The following VSIG1 variants were observed in gnomAD, a reference collection of about 807,000 sequenced individuals.
The protein encoded by VSIG1 is V-set and immunoglobulin domain containing 1.
Under a neutral mutation model 20.1 loss-of-function variants are expected in VSIG1, and 11 were observed. The ratio of observed to expected loss-of-function variants is 0.55; its 90% CI spans 0.34 to 0.91. The LOEUF (loss-of-function observed/expected upper bound fraction) is 0.91, where lower values mean the gene tolerates loss of function less well. Ranked by LOEUF, VSIG1 falls within the 40% of genes least tolerant of loss-of-function variation. The pLI, the probability that VSIG1 is intolerant of heterozygous loss-of-function variation, is 0.02. For missense variants in VSIG1, 283 were observed against 298.8 expected (o/e 0.95, Z 0.39); for synonymous variants, 126 against 116.7 (o/e 1.08, Z -0.52).
chrX:108,069,239 C>T (rs761446720), intron 3 of VSIG1, among the ~76,000 whole-genome samples: 1 of 111,553 alleles, frequency 9.0e-6, no homozygotes, highest in East Asian at 2.8e-4. Flanking sequence ...TGTTTTTTCC[C>T]ATGAGTCTTT....
At chrX:108,058,802 T>A (rs2030962911) in intron 2 of VSIG1, among the ~76,000 whole-genome samples, 1 of 111,160 alleles carries the variant, frequency 9.0e-6, no homozygotes, top group Non-Finnish European at 1.9e-5. Flanking sequence ...CAGAAAAGGA[T>A]GGGTTGAAAG....
chrX:108,036,323 G>C, the VSIG1 span, among the ~76,000 whole-genome samples: 47 of 109,689 alleles, frequency 4.3e-4, no homozygotes, highest in Non-Finnish European at 8.3e-4. Flanking sequence ...GAAAGAATTG[G>C]AGGGTCTAGG....
At chrX:108,049,048 G>T in intron 1 of VSIG1, among the ~76,000 whole-genome samples, 1 of 112,226 alleles carries the variant, frequency 8.9e-6, no homozygotes, top group East Asian at 2.8e-4. Context: ...CTTTTCTTCA[G>T]AATTTAATTG....
chrX:108,028,402 T>G, the VSIG1 span, among the ~76,000 whole-genome samples: 1 of 112,139 alleles, frequency 8.9e-6, no homozygotes, highest in African/African-American at 3.2e-5. Flanking sequence ...AAACAAAGTT[T>G]CTGATATAGA....
rs1341901777 is a variant in VSIG1, at chrX:108,058,181, A to G, written c.193A>G (p.Lys65Glu). Residue 65 changes from lysine (K) to glutamate (E), a missense_variant, in exon 2 of 7, where the codon AAG becomes GAG. Transcript: ENST00000217957. Reference protein sequence around the residue: ...LSIQWSFFHKKEMEPISIYFS... With the variant: ...LSIQWSFFHKEEMEPISIYFS... ...CATCCAGTGGTCTTTCTTCCATAAG[A>G]AGGAGATGGAGCCAATTTCTGTAAG... 3.3e-6 allele frequency: 4 copies of G among 1,206,429 alleles called. No homozygotes were observed. The African/African-American group carries it at 7.0e-5, about 21-fold the overall frequency.
chrX:108,072,581 C>A, intron 3 of VSIG1, 96 bp from the exon 4 acceptor site: 1 of 888,095 alleles, frequency 1.1e-6, no homozygotes, highest in Non-Finnish European at 1.6e-6. Flanking sequence ...TAAATAAACA[C>A]ACATATTATT....
the VSIG1 span, among the ~76,000 whole-genome samples, chrX:108,038,883 A>T: frequency 9.0e-6 from 1 of 111,700 alleles, no homozygotes; most frequent in Non-Finnish European, 1.9e-5. Context: ...TTAACCCAAT[A>T]TATTCCAAAT....
At chrX:108,045,394 T>G (rs1030080651) in intron 1 of VSIG1, among the ~76,000 whole-genome samples, 3 of 112,609 alleles carry the variant, frequency 2.7e-5, no homozygotes, top group African/African-American at 6.5e-5. Flanking sequence ...TTTATGGAGC[T>G]TCTGAATGAA....
intron 1 of VSIG1, 68 bp downstream of exon 1, chrX:108,045,247 AC>A: frequency 1.1e-6 from 1 of 921,622 alleles, no homozygotes; most frequent in Non-Finnish European, 1.5e-6. Flanking sequence ...TAAAAATTCC[AC>A]ATTTTTACAT....
intron 2 of VSIG1, among the ~76,000 whole-genome samples, chrX:108,061,702 C>A (rs990333162): frequency 9.1e-6 from 1 of 110,488 alleles, no homozygotes; most frequent in Admixed American, 9.6e-5. Flanking sequence ...CTTCTCACAT[C>A]CATGTCTGGA....
chrX:108,076,254 A>G (rs1410289632), intron 6 of VSIG1, 36 bp downstream of exon 6: 1 of 1,187,629 alleles, frequency 8.4e-7, no homozygotes, highest in Non-Finnish European at 1.1e-6. Flanking sequence ...CTTGAATACA[A>G]ACATTTCTCA....
In VSIG1 at chrX:108,073,388, T is replaced by C. The variant is rs774862289; in HGVS notation, c.688+19T>C. ...TCTTCACGTGAGTTGACCATACAAC[T>C]TTAACGGTTTCTCCTTAAATCAAGT... is the stretch of plus-strand genomic sequence containing the variant. On this transcript the variant is annotated intron_variant, in intron 5 of 6. Transcript: ENST00000217957. 1.1e-4 allele frequency: 131 copies of C among 1,205,308 alleles called. No individual in the cohort carries two copies. In the Middle Eastern group the frequency reaches 2.8e-3, roughly 26 times the overall value.
intron 5 of VSIG1, 113 bp downstream of exon 5, chrX:108,073,482 T>C (rs1416471505): frequency 1.9e-5 from 17 of 913,198 alleles, no homozygotes; most frequent in Non-Finnish European, 2.4e-5. Context: ...CTCTGGAGAT[T>C]TGTGTGCTTT....
intron 3 of VSIG1, among the ~76,000 whole-genome samples, chrX:108,068,376 A>G (rs901539893): frequency 8.9e-6 from 1 of 112,148 alleles, no homozygotes; most frequent in African/African-American, 3.2e-5. Flanking sequence ...AGACTAGTGT[A>G]TTAGTCTATT....
intron 2 of VSIG1, chrX:108,064,645 G>A (rs2031092758): frequency 3.9e-6 from 2 of 507,762 alleles, no homozygotes; most frequent in Non-Finnish European, 4.8e-6. Flanking sequence ...GACTGATGTT[G>A]TATCTCATTG....
chrX:108,062,542 C>A (rs1160062774), intron 2 of VSIG1, among the ~76,000 whole-genome samples: 1 of 112,223 alleles, frequency 8.9e-6, no homozygotes, highest in Non-Finnish European at 1.9e-5. Context: ...TTATTTTATT[C>A]TCTTCTAAAG....
the VSIG1 span, among the ~76,000 whole-genome samples, chrX:108,027,994 G>A: frequency 2.7e-5 from 3 of 111,305 alleles, no homozygotes; most frequent in African/African-American, 9.8e-5. Flanking sequence ...CAAAAAAAAA[G>A]ATAGTATAAT....
Position 108,045,120 on chromosome X carries a change from A to C in VSIG1, c.-11A>C. 8.5e-7 allele frequency: 1 copy of C among 1,175,211 alleles called. No homozygotes were observed. Among genetic ancestry groups the C allele is most frequent in the African/African-American group, 1.8e-5 (1 of 56,651 alleles). ...TACTGGCACCTGCTGCTCTCAACTAACCTCCACACAATGGTGTTCGCATTT... is the reference window on the plus strand; with the variant it reads ...TACTGGCACCTGCTGCTCTCAACTACCCTCCACACAATGGTGTTCGCATTT... On this transcript the variant is annotated 5_prime_UTR_variant, in exon 1 of 7. Coordinates refer to ENST00000217957, the MANE Select transcript of VSIG1 (RefSeq NM_182607.5).
intron 1 of VSIG1, among the ~76,000 whole-genome samples, chrX:108,046,145 T>C (rs2030571780): frequency 8.9e-6 from 1 of 111,905 alleles, no homozygotes; most frequent in Non-Finnish European, 1.9e-5. Flanking sequence ...TTCCTGGGTT[T>C]TCTACGAAGA....
Sources: gnomAD v4.1 joint callset for allele counts (sites outside exome capture counted in the v4.1 genomes callset) on GRCh38, gnomAD v4.1.1 for gene constraint, MANE v1.5 for transcripts, NCBI Gene and HGNC (gene_info 2026-07-23, HGNC 2026-07-21) for gene names.